Variants in PLEKHM3 observed in about 807,000 individuals in gnomAD.
The protein encoded by PLEKHM3 is pleckstrin homology domain containing M3, also known as pleckstrin homology domain-containing family M member 3.
A neutral mutation model predicts 81.8 loss-of-function variants in PLEKHM3; 45 were observed. The observed-to-expected ratio is 0.55, with a 90% CI of 0.43 to 0.71. The LOEUF is 0.71. PLEKHM3 is among the 30% of genes least tolerant of loss of function. The pLI is 0.00. For synonymous variants in PLEKHM3, 352 were observed against 356.4 expected (o/e 0.99, Z 0.14); for missense variants, 788 against 924.3 (o/e 0.85, Z 1.91).
chr2:207,926,975 T>C (rs892871818), intron 5 of PLEKHM3, among the ~76,000 whole-genome samples: 2 of 152,244 alleles, frequency 1.3e-5, no homozygotes, highest in African/African-American at 2.4e-5. Flanking sequence ...ATTCTGTTTA[T>C]ATGGTGCTGA....
At chr2:208,003,280 T>A (rs552516990) in intron 1 of PLEKHM3, among the ~76,000 whole-genome samples, 17 of 152,360 alleles carry the variant, frequency 1.1e-4, no homozygotes, top group African/African-American at 3.6e-4. Flanking sequence ...ACACTTTCTT[T>A]TGTAAATTGC....
rs75842382 is a variant in PLEKHM3 at position 207,828,032 on chromosome 2, G to A, written c.*287C>T. On this transcript the variant is annotated 3_prime_UTR_variant, in exon 8 of 8. Coordinates refer to ENST00000427836, the MANE Select transcript of PLEKHM3 (RefSeq NM_001080475.3). ...AACTATAAAGCATTGTGTATACCACGTTTTGTCTGGGAGCAAGCAGCTGAA... is the reference window on the plus strand; with the variant it reads ...AACTATAAAGCATTGTGTATACCACATTTTGTCTGGGAGCAAGCAGCTGAA... 6.2e-4 allele frequency: 133 copies of A among 213,742 alleles called. No homozygotes were observed. The highest frequency in any genetic ancestry group is 9.7e-4 in the Non-Finnish European group (107 of 110,112). 13.2% of individuals were successfully genotyped at this position (213,742 alleles called of 1,614,324 possible).
chr2:208,024,283 A>G (rs1693236490), intron 1 of PLEKHM3, among the ~76,000 whole-genome samples: 1 of 152,194 alleles, frequency 6.6e-6, no homozygotes, highest in Admixed American at 6.5e-5. Flanking sequence ...TTACACAACT[A>G]GGAAGTGACC....
In PLEKHM3 at chr2:207,862,560, C is replaced by G. The variant is rs113113575; in HGVS notation, c.1951-1298G>C. On this transcript the variant is annotated intron_variant, in intron 6 of 7. Coordinates refer to ENST00000427836, the MANE Select transcript of PLEKHM3 (RefSeq NM_001080475.3). Reference sequence around the variant, plus strand: ...GGCTGAGGCAGGAGAATCACTTGAACCTGGGAGGCAGAGGTTGCAGTGAGC... The same window carrying G: ...GGCTGAGGCAGGAGAATCACTTGAAGCTGGGAGGCAGAGGTTGCAGTGAGC... Among the ~76,000 whole-genome samples, 236 of 152,200 alleles carry G rather than the reference C, an allele frequency of 1.6e-3. 1 individual carries two copies. Among genetic ancestry groups the G allele is most frequent in the Middle Eastern group, 3.4e-3 (1 of 294 alleles).
At chr2:207,978,165 C>A (rs1371764331) in intron 2 of PLEKHM3, among the ~76,000 whole-genome samples, 2 of 123,480 alleles carry the variant, frequency 1.6e-5, no homozygotes, top group Non-Finnish European at 3.9e-5. Context: ...GAACGTGCAA[C>A]ATCAACGGAG....
chr2:207,857,923 T>C (rs1337463822), intron 7 of PLEKHM3, among the ~76,000 whole-genome samples: 1 of 151,572 alleles, frequency 6.6e-6, no homozygotes, highest in Non-Finnish European at 1.5e-5. Context: ...TTTTAGGATA[T>C]TGATTTGAGA....
chr2:207,874,655 G>A lies in PLEKHM3; in HGVS notation c.1951-13393C>T, dbSNP rs547834013. Among the ~76,000 whole-genome samples, 1,054 of 149,250 alleles carry A rather than the reference G, an allele frequency of 7.1e-3. 10 individuals carry two copies. Among genetic ancestry groups the A allele is most frequent in the Non-Finnish European group, 0.013 (869 of 67,274 alleles). ...CGCCCAGGCTGGAGTGCAGTGGCAC[G>A]ATCTTGGCTCACCGCAACCTCTGCT... On this transcript the variant is annotated intron_variant, in intron 6 of 7. Transcript: ENST00000427836.
At chr2:207,991,559 T>C (rs1198960187) in intron 2 of PLEKHM3, among the ~76,000 whole-genome samples, 2 of 151,872 alleles carry the variant, frequency 1.3e-5, no homozygotes, top group African/African-American at 4.8e-5. Context: ...GGTGGACATG[T>C]GACCCAGTTC....
chr2:207,935,671 T>C (rs1689726834), intron 4 of PLEKHM3, among the ~76,000 whole-genome samples: 1 of 152,224 alleles, frequency 6.6e-6, no homozygotes, highest in Non-Finnish European at 1.5e-5. Flanking sequence ...TTTGTGGTCA[T>C]GTCATGGTAG....
intron 6 of PLEKHM3, among the ~76,000 whole-genome samples, chr2:207,895,934 T>C (rs1688209463): frequency 6.6e-6 from 1 of 152,220 alleles, no homozygotes; most frequent in African/African-American, 2.4e-5. Flanking sequence ...TGACAAAAAG[T>C]TGAAATAGTT....
At chr2:207,965,484 T>C (rs1365392600) in intron 3 of PLEKHM3, among the ~76,000 whole-genome samples, 1 of 151,902 alleles carries the variant, frequency 6.6e-6, no homozygotes, top group Non-Finnish European at 1.5e-5. Flanking sequence ...AATGATTTTA[T>C]TCTTCTGAAA....
intron 3 of PLEKHM3, among the ~76,000 whole-genome samples, chr2:207,966,984 CTTTT>C: frequency 6.6e-6 from 1 of 151,902 alleles, no homozygotes; most frequent in Non-Finnish European, 1.5e-5. Flanking sequence ...CCTTTTCTTT[CTTTT>C]ATTTTTATTT....
At position 207,848,199 on chromosome 2, in the gene PLEKHM3, T is replaced by A. The variant is rs1398679712; in HGVS notation, c.2108+12906A>T. On this transcript the variant is annotated intron_variant, in intron 7 of 7. Transcript: ENST00000427836. Reference sequence around the variant, plus strand: ...GGGCAGTGCTTCTCTCCCCTTCTCCTCTGGAGTTTTGTTCCACCTGCCTCC... The same window carrying A: ...GGGCAGTGCTTCTCTCCCCTTCTCCACTGGAGTTTTGTTCCACCTGCCTCC... Among the ~76,000 whole-genome samples, 16 of 152,310 alleles carry A rather than the reference T, an allele frequency of 1.1e-4. No individual in the cohort carries two copies. The East Asian group carries it at 2.9e-3, about 28-fold the overall frequency.
intron 1 of PLEKHM3, among the ~76,000 whole-genome samples, chr2:208,019,960 G>A (rs1210391973): frequency 1.3e-5 from 2 of 152,228 alleles, no homozygotes; most frequent in Admixed American, 6.5e-5. Context: ...GCAGGTAAAA[G>A]TGGATCAAGA....
At chr2:207,996,262 T>C (rs1331719098) in intron 2 of PLEKHM3, among the ~76,000 whole-genome samples, 1 of 152,194 alleles carries the variant, frequency 6.6e-6, no homozygotes, top group Non-Finnish European at 1.5e-5. Flanking sequence ...CAAAAGCCTA[T>C]GTTCATTTTT....
chr2:207,935,967 G>A (rs1246064670), intron 4 of PLEKHM3, among the ~76,000 whole-genome samples: 1 of 152,058 alleles, frequency 6.6e-6, no homozygotes, highest in Admixed American at 6.5e-5. Context: ...TTACTTATTT[G>A]TGCAATTTAT....
intron 6 of PLEKHM3, among the ~76,000 whole-genome samples, chr2:207,899,546 A>C (rs543272701): frequency 6.6e-6 from 1 of 152,224 alleles, no homozygotes; most frequent in Non-Finnish European, 1.5e-5. Context: ...GAAAACACCC[A>C]GCGAGGGGCT....
At chr2:207,939,557 G>A (rs894587777) in intron 4 of PLEKHM3, among the ~76,000 whole-genome samples, 1 of 152,172 alleles carries the variant, frequency 6.6e-6, no homozygotes, top group Non-Finnish European at 1.5e-5. Flanking sequence ...TGTAGTCAAA[G>A]CTAACCATAA....
Position 207,827,535 on chromosome 2 carries a change from C to G in PLEKHM3, c.*784G>C, listed in dbSNP as rs1005781542. On this transcript the variant is annotated 3_prime_UTR_variant, in exon 8 of 8. Coordinates refer to ENST00000427836, the MANE Select transcript of PLEKHM3 (RefSeq NM_001080475.3). ...GTACAGCCTGGAAAACACGGTGGAG[C>G]GTCACATCATTAGGTGGGTGATGGG... 1 of 152,138 alleles carries G rather than the reference C, an allele frequency of 6.6e-6. No homozygotes were observed. Among genetic ancestry groups the G allele is most frequent in the African/African-American group, 2.4e-5 (1 of 41,420 alleles). The allele number at this position is 152,138 out of a possible 1,614,324, so 9.4% of individuals were successfully genotyped here.
Sources: allele counts gnomAD v4.1 joint callset (sites outside exome capture counted in the v4.1 genomes callset), GRCh38; gene constraint gnomAD v4.1.1; transcripts MANE v1.5; gene names NCBI Gene and HGNC (gene_info 2026-07-23, HGNC 2026-07-21).